MBD5: variants seen among roughly 807,000 people sequenced by gnomAD.
MBD5 encodes the protein methyl-CpG-binding domain protein 5.
In MBD5, 13 loss-of-function variants were observed where a neutral mutation model predicts 117.3. The observed-to-expected ratio is 0.11, with a 90% confidence interval of 0.07 to 0.18. The LOEUF is 0.18. MBD5 is among the 10% of genes least tolerant of loss of function. The pLI, the probability that MBD5 is intolerant of heterozygous loss-of-function variation, is 1.00. For missense variants in MBD5, 1,879 were observed against 2,093.8 expected (o/e 0.90, Z 2.00); for synonymous variants, 727 against 766.4 (o/e 0.95, Z 0.85).
Position 148,516,933 on chromosome 2 carries a change from T to A in MBD5, c.*3992T>A, listed in dbSNP as rs2105307234. Reference sequence around the variant, plus strand: ...CAAATGTGTTTTGTAACATCATGCCTTTATGGATTAAGTATAAATACACTG... The same window carrying A: ...CAAATGTGTTTTGTAACATCATGCCATTATGGATTAAGTATAAATACACTG... On this transcript the variant is annotated 3_prime_UTR_variant, in exon 14 of 14. Transcript: ENST00000642680. 6.6e-6 allele frequency: 1 copy of A among 152,354 alleles called. No homozygotes were observed. Among genetic ancestry groups the A allele is most frequent in the East Asian group, 1.9e-4 (1 of 5,194 alleles). The allele number at this position is 152,354 out of a possible 1,614,324, so 9.4% of individuals were successfully genotyped here. A position where few individuals can be genotyped will look rare whatever the true frequency, so the allele number is the denominator to read the frequency against.
At chr2:148,204,328 A>G (rs1053668002) in intron 2 of MBD5, among the ~76,000 whole-genome samples, 7 of 152,046 alleles carry the variant, frequency 4.6e-5, no homozygotes, top group South Asian at 2.1e-4. Flanking sequence ...TAAACCAAAG[A>G]AAAAAAAGAT....
At chr2:148,186,251 G>C (rs1044365781) in intron 2 of MBD5, among the ~76,000 whole-genome samples, 2 of 152,178 alleles carry the variant, frequency 1.3e-5, no homozygotes, top group Non-Finnish European at 2.9e-5. Context: ...ATGAGATCTG[G>C]TGGTTTTTAA....
intron 4 of MBD5, among the ~76,000 whole-genome samples, chr2:148,367,037 A>G (rs1703722243): frequency 6.6e-6 from 1 of 152,226 alleles, no homozygotes. Context: ...CTAAGCAAAA[A>G]GAACAAAGCT....
At chr2:148,390,291 G>A (rs888452879) in intron 4 of MBD5, among the ~76,000 whole-genome samples, 5 of 151,598 alleles carry the variant, frequency 3.3e-5, no homozygotes, top group African/African-American at 1.2e-4. Context: ...GTCTATTTTT[G>A]TACCAGTACC....
intron 4 of MBD5, among the ~76,000 whole-genome samples, chr2:148,357,006 T>C (rs1559037927): frequency 6.6e-6 from 1 of 152,204 alleles, no homozygotes; most frequent in Non-Finnish European, 1.5e-5. Flanking sequence ...TTTTCTTATT[T>C]TATACTCACA....
rs1704846822 is a variant in MBD5, at chr2:148,399,509, CTGAGACTTTGCTGAAG to C, written c.-557+57174_-557+57189del. Among the ~76,000 whole-genome samples the C allele has an allele frequency of 2.6e-5, 4 of 152,238 alleles. No homozygotes were observed. The South Asian group carries it at 8.3e-4, about 32-fold the overall frequency. ...GATTTTAGCACATGGATTTTGTATC[CTGAGACTTTGCTGAAG>C]ATGCCTATCAGCTTAAGGAGATTTT... On this transcript the variant is annotated intron_variant, in intron 4 of 13. Coordinates refer to ENST00000642680, the MANE Select transcript of MBD5 (RefSeq NM_001378120.1).
chr2:148,061,348 A>C (rs777261389), intron 1 of MBD5, among the ~76,000 whole-genome samples: 2 of 152,010 alleles, frequency 1.3e-5, no homozygotes, highest in Non-Finnish European at 2.9e-5. Flanking sequence ...CTTTATGCTT[A>C]CTTTAGCAAA....
At chr2:148,303,012 C>G (rs1468125997) in intron 3 of MBD5, among the ~76,000 whole-genome samples, 1 of 149,824 alleles carries the variant, frequency 6.7e-6, no homozygotes, top group African/African-American at 2.4e-5. Context: ...AAGAGCTATT[C>G]AAAAATAAAA....
At chr2:148,451,743 C>A (rs904506856) in intron 4 of MBD5, among the ~76,000 whole-genome samples, 2 of 152,068 alleles carry the variant, frequency 1.3e-5, no homozygotes, top group Non-Finnish European at 2.9e-5. Context: ...TTATGTAGGA[C>A]TTGTTCTTAA....
In MBD5 at chr2:148,479,529, A is replaced by AT. The variant is rs1446181909; in HGVS notation, c.2519-3576dup. 3.9e-5 allele frequency among the ~76,000 whole-genome samples: 6 copies of AT among 152,254 alleles called. No homozygotes were observed. In the South Asian group the frequency reaches 1.2e-3, roughly 32 times the overall value. The stretch of plus-strand genomic sequence containing the variant: ...GAAATACAGTGATAAATAAGAAATG[A>AT]TTTTTGTCTTTAATGGTTTAGAAAG... On this transcript the variant is annotated intron_variant, in intron 8 of 13. Coordinates refer to ENST00000642680, the MANE Select transcript of MBD5 (RefSeq NM_001378120.1).
chr2:148,165,425 T>A (rs1489521971), intron 1 of MBD5, among the ~76,000 whole-genome samples: 1 of 152,076 alleles, frequency 6.6e-6, no homozygotes, highest in Non-Finnish European at 1.5e-5. Context: ...AAGCATATAT[T>A]GCCAAAAATA....
chr2:148,359,364 A>T (rs1276759235), intron 4 of MBD5, among the ~76,000 whole-genome samples: 2 of 152,104 alleles, frequency 1.3e-5, no homozygotes, highest in Non-Finnish European at 2.9e-5. Flanking sequence ...ATAAAATGAG[A>T]TAAAACATAT....
At chr2:148,474,483 A>G (rs1039061510) in intron 8 of MBD5, among the ~76,000 whole-genome samples, 6 of 152,146 alleles carry the variant, frequency 3.9e-5, no homozygotes, top group African/African-American at 7.2e-5. Flanking sequence ...TCAACACAAC[A>G]TAACTTTTTT....
chr2:148,156,847 T>C (rs1459739134), intron 1 of MBD5, among the ~76,000 whole-genome samples: 1 of 152,204 alleles, frequency 6.6e-6, no homozygotes, highest in Non-Finnish European at 1.5e-5. Flanking sequence ...ACACTTGTTA[T>C]TTATTGAATG....
At chr2:148,268,226 G>C (rs1024264492) in intron 3 of MBD5, among the ~76,000 whole-genome samples, 1 of 151,906 alleles carries the variant, frequency 6.6e-6, no homozygotes, top group Non-Finnish European at 1.5e-5. Flanking sequence ...GCTGGAATCA[G>C]CTGGGATGAG....
Position 148,419,028 on chromosome 2 carries a change from A to T in MBD5, c.-556-39175A>T, listed in dbSNP as rs1705513667. ...AACAGCATGGTACTGGTATAAAAGTAGATATACAGACCAATGGAACAGAAT... is the reference window on the plus strand; with the variant it reads ...AACAGCATGGTACTGGTATAAAAGTTGATATACAGACCAATGGAACAGAAT... On this transcript the variant is annotated intron_variant, in intron 4 of 13. Coordinates refer to ENST00000642680, the MANE Select transcript of MBD5 (RefSeq NM_001378120.1). Among the ~76,000 whole-genome samples, 2 of 152,222 alleles carry T rather than the reference A, an allele frequency of 1.3e-5. 1 individual carries two copies. The highest frequency in any genetic ancestry group is 4.1e-4 in the South Asian group (2 of 4,832).
intron 3 of MBD5, among the ~76,000 whole-genome samples, chr2:148,256,209 A>G (rs1700586464): frequency 6.6e-6 from 1 of 152,164 alleles, no homozygotes; most frequent in Non-Finnish European, 1.5e-5. Context: ...AGCCTCCCAA[A>G]TGTCTTGCGT....
chr2:148,401,104 T>A (rs951043630), intron 4 of MBD5, among the ~76,000 whole-genome samples: 6 of 152,298 alleles, frequency 3.9e-5, no homozygotes, highest in Non-Finnish European at 7.4e-5. Context: ...AATACCTTCT[T>A]AAAATCAAAT....
rs1433576407 is a variant in MBD5 at position 148,408,866 on chromosome 2, A to AT, written c.-556-49336dup. Among the ~76,000 whole-genome samples, 3 of 152,120 alleles carry AT rather than the reference A, an allele frequency of 2.0e-5. No homozygotes were observed. The East Asian group carries it at 5.8e-4, about 29-fold the overall frequency. ...GTCCTTATTCTGTAAACAATGCAGT[A>AT]TAGCAACCAGTCACATAGCATTTAC... On this transcript the variant is annotated intron_variant, in intron 4 of 13. Coordinates refer to ENST00000642680, the MANE Select transcript of MBD5 (RefSeq NM_001378120.1).
Sources: gnomAD v4.1 joint callset for allele counts (sites outside exome capture counted in the v4.1 genomes callset) on GRCh38, gnomAD v4.1.1 for gene constraint, MANE v1.5 for transcripts, NCBI Gene and HGNC (gene_info 2026-07-23, HGNC 2026-07-21) for gene names.